The following ABHD17B variants were observed in gnomAD, a reference collection of about 807,000 sequenced individuals.
The protein encoded by ABHD17B is abhydrolase domain containing 17B, depalmitoylase.
In ABHD17B, 9 loss-of-function variants were observed where a neutral mutation model predicts 26.2. That is an observed-to-expected ratio of 0.34 (90% CI 0.21 to 0.60). The LOEUF is 0.60. Ranked by LOEUF, ABHD17B falls within the 20% of genes least tolerant of loss-of-function variation. The pLI, the probability that ABHD17B is intolerant of heterozygous loss-of-function variation, is 0.80. For missense variants in ABHD17B, 224 were observed against 352.1 expected (o/e 0.64, Z 2.91); for synonymous variants, 127 against 122.3 (o/e 1.04, Z -0.25).
downstream of ABHD17B, among the ~76,000 whole-genome samples, chr9:71,864,751 C>T (rs1027757464): frequency 1.3e-5 from 2 of 152,164 alleles, no homozygotes; most frequent in Non-Finnish European, 2.9e-5. Context: ...TCCTTCAGCC[C>T]TTATCAAAAT....
chr9:71,863,654 T>A (rs544416280), downstream of ABHD17B, among the ~76,000 whole-genome samples: 1 of 152,342 alleles, frequency 6.6e-6, no homozygotes, highest in South Asian at 2.1e-4. Flanking sequence ...AGATACTCAT[T>A]AATGCTTAGG....
intron 1 of ABHD17B, among the ~76,000 whole-genome samples, chr9:71,900,401 G>A (rs551514467): frequency 8.5e-5 from 13 of 152,170 alleles, no homozygotes; most frequent in Middle Eastern, 3.4e-3. Flanking sequence ...ACGGTGGCTC[G>A]TGCCTGTAAT....
At chr9:71,879,456 G>A (rs545921860) in intron 1 of ABHD17B, among the ~76,000 whole-genome samples, 1 of 152,126 alleles carries the variant, frequency 6.6e-6, no homozygotes, top group Non-Finnish European at 1.5e-5. Context: ...TAGAAGAAAA[G>A]CCTGAATATA....
At chr9:71,900,652 CAAAAAAAAA>C (rs35196879) in intron 1 of ABHD17B, among the ~76,000 whole-genome samples, 2 of 69,418 alleles carry the variant, frequency 2.9e-5, no homozygotes, top group African/African-American at 1.0e-4. Context: ...ACTCCATCTC[CAAAAAAAAA>C]AAAAAAAAAA....
intron 1 of ABHD17B, among the ~76,000 whole-genome samples, chr9:71,889,102 G>T (rs755918682): frequency 4.0e-5 from 6 of 151,124 alleles, no homozygotes; most frequent in Non-Finnish European, 8.8e-5. Flanking sequence ...GGATCACAAG[G>T]TTAGGAGTTC....
At chr9:71,905,996 C>T (rs1827270856) in intron 1 of ABHD17B, among the ~76,000 whole-genome samples, 1 of 152,020 alleles carries the variant, frequency 6.6e-6, no homozygotes. Flanking sequence ...GTTCAGTGGG[C>T]AGTGATCATG....
At chr9:71,891,844 C>T (rs887408514) in intron 1 of ABHD17B, among the ~76,000 whole-genome samples, 4 of 152,136 alleles carry the variant, frequency 2.6e-5, no homozygotes, top group Non-Finnish European at 4.4e-5. Context: ...TACAAATATT[C>T]GAGAACATAG....
chr9:71,899,400 G>GT (rs1483661330), intron 1 of ABHD17B, among the ~76,000 whole-genome samples: 1 of 152,152 alleles, frequency 6.6e-6, no homozygotes, highest in African/African-American at 2.4e-5. Flanking sequence ...TATGTCTAGG[G>GT]TATCTTTGGT....
intron 1 of ABHD17B, among the ~76,000 whole-genome samples, chr9:71,909,449 G>A (rs550140140): frequency 6.6e-6 from 1 of 152,166 alleles, no homozygotes; most frequent in East Asian, 1.9e-4. Flanking sequence ...GCTATCATTA[G>A]ATGTCACCCA....
intron 1 of ABHD17B, among the ~76,000 whole-genome samples, chr9:71,877,571 C>T (rs1467083833): frequency 4.6e-5 from 7 of 152,208 alleles, no homozygotes; most frequent in Non-Finnish European, 1.0e-4. Flanking sequence ...GCACACACCA[C>T]CATGCCCAGC....
intron 1 of ABHD17B, among the ~76,000 whole-genome samples, chr9:71,909,506 A>G (rs564466173): frequency 1.3e-4 from 20 of 152,354 alleles, no homozygotes; most frequent in African/African-American, 3.8e-4. Context: ...CTTTACGGAA[A>G]AAAGTTCATT....
chr9:71,864,217 T>C (rs937708364), downstream of ABHD17B, among the ~76,000 whole-genome samples: 351 of 125,126 alleles, frequency 2.8e-3, no homozygotes, highest in African/African-American at 0.01. Context: ...AACTTTCTTT[T>C]TTTTTTTTTT....
At chr9:71,899,172 T>C (rs144941321) in intron 1 of ABHD17B, among the ~76,000 whole-genome samples, 178 of 151,888 alleles carry the variant, frequency 1.2e-3, no homozygotes, top group Non-Finnish European at 1.8e-3. Flanking sequence ...GCAAATACTG[T>C]TTTTGTTTTT....
At chr9:71,884,576 G>A (rs1473209893) in intron 1 of ABHD17B, among the ~76,000 whole-genome samples, 2 of 151,682 alleles carry the variant, frequency 1.3e-5, no homozygotes, top group Non-Finnish European at 2.9e-5. Context: ...ACATTTCTAA[G>A]GGTACATATG....
chr9:71,862,589 C>T, downstream of ABHD17B: 1 of 1,422,524 alleles, frequency 7.0e-7, no homozygotes, highest in Non-Finnish European at 9.9e-7. Context: ...AATCACTTCC[C>T]TTCTTTATGT....
In ABHD17B at chr9:71,870,127, G is replaced by C. The variant is rs926498454; in HGVS notation, c.603C>G (p.Ala201=). 1.9e-5 allele frequency: 30 copies of C among 1,613,656 alleles called. No individual in the cohort carries two copies. The highest frequency in any genetic ancestry group is 2.2e-5 in the Non-Finnish European group (26 of 1,179,902). The change falls in exon 3 of 4, where the codon GCC becomes GCG. Residue 201 remains alanine, a synonymous_variant. Coordinates refer to ENST00000333421, the MANE Select transcript of ABHD17B (RefSeq NM_001025780.3). ...HSPLTSGMRV[A]FPDTKKTYCF... ...AGTAGGTCTTCTTGGTATCAGGAAAGGCAACTCGCATTCCCGAAGTCAGAG... is the reference window on the plus strand; with the variant it reads ...AGTAGGTCTTCTTGGTATCAGGAAACGCAACTCGCATTCCCGAAGTCAGAG...
chr9:71,876,256 T>A (rs573289296), intron 1 of ABHD17B, among the ~76,000 whole-genome samples: 45 of 152,322 alleles, frequency 3.0e-4, no homozygotes, highest in African/African-American at 9.9e-4. Flanking sequence ...CTCTACCACT[T>A]ACCGTTTGCC....
intron 1 of ABHD17B, among the ~76,000 whole-genome samples, chr9:71,879,820 C>T (rs1826387957): frequency 6.6e-6 from 1 of 152,070 alleles, no homozygotes; most frequent in South Asian, 2.1e-4. Context: ...ATTATTACAC[C>T]CATTTTGCAA....
chr9:71,899,083 C>A (rs1248664874), intron 1 of ABHD17B, among the ~76,000 whole-genome samples: 7 of 151,354 alleles, frequency 4.6e-5, no homozygotes, highest in African/African-American at 1.5e-4. Context: ...GAGATTGTGC[C>A]ACTGCACTCC....
Sources: allele counts gnomAD v4.1 joint callset (sites outside exome capture counted in the v4.1 genomes callset), GRCh38; gene constraint gnomAD v4.1.1; transcripts MANE v1.5; gene names NCBI Gene and HGNC (gene_info 2026-07-23, HGNC 2026-07-21).